Variants in ROR1 observed in about 807,000 individuals in gnomAD.
ROR1 encodes ROR family WNT receptor 1.
Under a neutral mutation model 78.8 loss-of-function variants are expected in ROR1, and 19 were observed. The observed-to-expected ratio is 0.24, with a 90% CI of 0.17 to 0.35. ROR1 has a LOEUF of 0.35. ROR1 is among the 10% of genes least tolerant of loss of function. The probability of loss-of-function intolerance (pLI) is 1.00; values close to 1 mark genes in which losing one functional copy is unlikely to be tolerated. For synonymous variants in ROR1, 386 were observed against 433.6 expected, an observed-to-expected ratio of 0.89 and a Z score of 1.36; for missense variants, 917 against 1,177.8, an observed-to-expected ratio of 0.78 and a Z score of 3.24.
intron 1 of ROR1, among the ~76,000 whole-genome samples, chr1:63,862,801 G>T (rs562688989): frequency 6.6e-6 from 1 of 152,252 alleles, no homozygotes; most frequent in African/African-American, 2.4e-5. Context: ...GTAAAATGGG[G>T]TTATAAGGTA....
At chr1:64,052,883 T>C (rs1387581454) in intron 4 of ROR1, among the ~76,000 whole-genome samples, 1 of 152,166 alleles carries the variant, frequency 6.6e-6, no homozygotes, top group Non-Finnish European at 1.5e-5. Flanking sequence ...ATCCTGCTCT[T>C]TATCTCTTCT....
intron 1 of ROR1, among the ~76,000 whole-genome samples, chr1:63,857,339 C>T (rs141992413): frequency 2.0e-5 from 3 of 152,218 alleles, no homozygotes; most frequent in African/African-American, 7.2e-5. Flanking sequence ...ATGCTTGAAA[C>T]AACATGTGGA....
chr1:63,797,487 A>G (rs1450804052), intron 1 of ROR1, among the ~76,000 whole-genome samples: 2 of 152,198 alleles, frequency 1.3e-5, no homozygotes, highest in Non-Finnish European at 2.9e-5. Flanking sequence ...GAGGACTTTC[A>G]AAAGCATGCA....
chr1:63,815,260 TG>T (rs1196465801), intron 1 of ROR1, among the ~76,000 whole-genome samples: 6 of 152,214 alleles, frequency 3.9e-5, no homozygotes, highest in African/African-American at 1.4e-4. Context: ...TTTTTGGATA[TG>T]GAGAGAAGCA....
intron 2 of ROR1, among the ~76,000 whole-genome samples, chr1:64,039,104 T>A (rs1287590131): frequency 1.3e-5 from 2 of 152,234 alleles, no homozygotes; most frequent in Non-Finnish European, 2.9e-5. Context: ...ACCATTGCAC[T>A]GCCCTGCTAA....
intron 1 of ROR1, among the ~76,000 whole-genome samples, chr1:63,945,579 C>T (rs576907203): frequency 6.6e-6 from 1 of 152,234 alleles, no homozygotes; most frequent in South Asian, 2.1e-4. Flanking sequence ...CTACTGTTGC[C>T]TGGATCGACT....
chr1:64,136,328 G>A (rs906942544), intron 4 of ROR1, among the ~76,000 whole-genome samples: 2 of 149,918 alleles, frequency 1.3e-5, no homozygotes, highest in Non-Finnish European at 3.0e-5. Flanking sequence ...TTTTTACTTA[G>A]AAGAAACCAA....
intron 4 of ROR1, among the ~76,000 whole-genome samples, chr1:64,137,091 C>T (rs1393211717): frequency 1.3e-5 from 2 of 152,190 alleles, no homozygotes; most frequent in Non-Finnish European, 2.9e-5. Context: ...ACATCATCTT[C>T]CAGCCCACCA....
At chr1:63,977,694 T>G (rs285340) in intron 1 of ROR1, among the ~76,000 whole-genome samples, 1 of 152,042 alleles carries the variant, frequency 6.6e-6, no homozygotes, top group African/African-American at 2.4e-5. Context: ...CCTTGCTTGT[T>G]CCTGTTTCAC....
intron 2 of ROR1, among the ~76,000 whole-genome samples, chr1:64,024,480 C>CAAAAACA (rs897874924): frequency 2.0e-5 from 3 of 151,354 alleles, no homozygotes; most frequent in Non-Finnish European, 2.9e-5. Context: ...GACTCCATCT[C>CAAAAACA]AAAAACAAAA....
rs1305136468 is a variant in ROR1, at chr1:64,180,636, A to G, written c.*1781A>G. The G allele has an allele frequency of 6.6e-6, 1 of 152,200 alleles. No homozygotes were observed. Among genetic ancestry groups the G allele is most frequent in the Non-Finnish European group, 1.5e-5 (1 of 68,008 alleles). 9.4% of individuals were successfully genotyped at this position (152,200 alleles called of 1,614,324 possible). A position where few individuals can be genotyped will look rare whatever the true frequency, so the allele number is the denominator to read the frequency against. ...AGCTGATTCAGAAGTTACATTTCTT[A>G]ACTTTAGGTAGAGGAGAATATTTGT... On this transcript the variant is annotated 3_prime_UTR_variant, in exon 9 of 9. Coordinates refer to ENST00000371079, the MANE Select transcript of ROR1 (RefSeq NM_005012.4).
chr1:64,025,505 G>A (rs1646600622), intron 2 of ROR1, among the ~76,000 whole-genome samples: 1 of 152,116 alleles, frequency 6.6e-6, no homozygotes, highest in South Asian at 2.1e-4. Context: ...CATATTTATA[G>A]CAGCACAATT....
intron 1 of ROR1, among the ~76,000 whole-genome samples, chr1:63,837,703 C>A (rs966472448): frequency 6.6e-6 from 1 of 152,066 alleles, no homozygotes; most frequent in Non-Finnish European, 1.5e-5. Context: ...TTCCTGTAGT[C>A]CCAGCTACTT....
intron 1 of ROR1, among the ~76,000 whole-genome samples, chr1:63,931,577 T>A (rs141990749): frequency 5.0e-4 from 76 of 152,342 alleles, no homozygotes; most frequent in African/African-American, 1.7e-3. Flanking sequence ...AATTACATGC[T>A]GTCCCAAGTA....
At chr1:64,021,076 A>G (rs960268849) in intron 2 of ROR1, among the ~76,000 whole-genome samples, 4 of 151,558 alleles carry the variant, frequency 2.6e-5, no homozygotes, top group African/African-American at 9.7e-5. Flanking sequence ...GCAGCTTAGG[A>G]AGTTCAAATC....
chr1:63,825,489 CAG>C (rs1478366906), intron 1 of ROR1, among the ~76,000 whole-genome samples: 1 of 152,182 alleles, frequency 6.6e-6, no homozygotes. Context: ...AAACTAGAGA[CAG>C]AAAGCAGATC....
At chr1:63,794,726 G>T (rs564866005) in intron 1 of ROR1, among the ~76,000 whole-genome samples, 2 of 152,206 alleles carry the variant, frequency 1.3e-5, no homozygotes, top group Non-Finnish European at 2.9e-5. Context: ...AAGCCCACTG[G>T]AGGAAGCAGC....
At chr1:63,874,185 A>AT (rs988201283) in intron 1 of ROR1, among the ~76,000 whole-genome samples, 4 of 152,122 alleles carry the variant, frequency 2.6e-5, no homozygotes, top group African/African-American at 9.7e-5. Context: ...GAGAAATTGC[A>AT]TTTTTCCTGC....
chr1:64,067,707 A>ATTTTTTTTTTTTTTTTTTT (rs1557635987), intron 4 of ROR1, among the ~76,000 whole-genome samples: 1 of 130,410 alleles, frequency 7.7e-6, no homozygotes, highest in African/African-American at 3.2e-5. Context: ...AGTTAAATAA[A>ATTTTTTTTTTTTTTTTTTT]TTCTTTTTTT....
Sources: allele counts gnomAD v4.1 joint callset (sites outside exome capture counted in the v4.1 genomes callset), GRCh38; gene constraint gnomAD v4.1.1; transcripts MANE v1.5; gene names NCBI Gene and HGNC (gene_info 2026-07-23, HGNC 2026-07-21).